The following PTPRD variants were observed in gnomAD, a reference collection of about 807,000 sequenced individuals.
PTPRD encodes the protein receptor-type tyrosine-protein phosphatase delta.
PTPRD carries 34 observed loss-of-function variants against 214.5 expected under a neutral mutation model. That is an observed-to-expected ratio of 0.16 (90% confidence interval 0.12 to 0.21). PTPRD has a LOEUF of 0.21. Among genes scored for constraint, PTPRD ranks in the 10% least tolerant of loss-of-function variants. PTPRD has a pLI of 1.00. For synonymous variants in PTPRD, 1,128 were observed against 845.7 expected, an observed-to-expected ratio of 1.33 and a Z score of -5.79; for missense variants, 2,545 against 2,398.7, an observed-to-expected ratio of 1.06 and a Z score of -1.27.
At chr9:8,402,428 C>A (rs1433031645) in intron 36 of PTPRD, among the ~76,000 whole-genome samples, 6 of 152,044 alleles carry the variant, frequency 3.9e-5, no homozygotes, top group African/African-American at 1.2e-4. Context: ...AAAATAATGA[C>A]AAAGTGAGCA....
intron 35 of PTPRD, among the ~76,000 whole-genome samples, chr9:8,410,031 AG>A (rs2093386674): frequency 6.6e-6 from 1 of 152,212 alleles, no homozygotes; most frequent in African/African-American, 2.4e-5. Flanking sequence ...TCTGAGGTTT[AG>A]AAGAGCAATC....
intron 5 of PTPRD, among the ~76,000 whole-genome samples, chr9:9,866,235 T>C (rs897982357): frequency 6.6e-6 from 1 of 152,234 alleles, no homozygotes; most frequent in African/African-American, 2.4e-5. Flanking sequence ...CTGCTATATA[T>C]GTCATAGCCT....
intron 4 of PTPRD, among the ~76,000 whole-genome samples, chr9:9,956,904 G>A (rs2093971262): frequency 6.6e-6 from 1 of 152,076 alleles, no homozygotes; most frequent in Non-Finnish European, 1.5e-5. Flanking sequence ...CATATTAGAT[G>A]AAAAGAAAAG....
At chr9:9,916,089 A>C (rs2080697999) in intron 5 of PTPRD, among the ~76,000 whole-genome samples, 1 of 150,408 alleles carries the variant, frequency 6.6e-6, no homozygotes, top group East Asian at 2.0e-4. Flanking sequence ...TTAAAAAAAA[A>C]AAAACAAAAA....
At chr9:10,320,536 A>T (rs2096535237) in intron 3 of PTPRD, among the ~76,000 whole-genome samples, 1 of 152,090 alleles carries the variant, frequency 6.6e-6, no homozygotes, top group Non-Finnish European at 1.5e-5. Flanking sequence ...TTTCATCAGT[A>T]TAAAAATTTA....
rs145567697 is a variant in PTPRD, at chr9:10,304,958, C to G, written c.-545+36005G>C. ...AAGATCCTGCATTGCCGAGACAATC[C>G]TAAGCAAAGAGAACAAAGCTGGAGG... On this transcript the variant is annotated intron_variant, in intron 3 of 45. Coordinates refer to ENST00000381196, the MANE Select transcript of PTPRD (RefSeq NM_002839.4). 6.5e-3 allele frequency among the ~76,000 whole-genome samples: 989 copies of G among 152,250 alleles called. 4 individuals carry two copies. The highest frequency in any genetic ancestry group is 0.012 in the Non-Finnish European group (786 of 68,004).
intron 10 of PTPRD, among the ~76,000 whole-genome samples, chr9:9,029,137 A>T (rs2099596636): frequency 6.6e-6 from 1 of 151,872 alleles, no homozygotes; most frequent in East Asian, 1.9e-4. Flanking sequence ...ATATTGGGTA[A>T]ATATAACAAT....
intron 14 of PTPRD, among the ~76,000 whole-genome samples, chr9:8,617,789 G>A (rs1462825456): frequency 6.6e-6 from 1 of 152,054 alleles, no homozygotes; most frequent in Non-Finnish European, 1.5e-5. Context: ...ATAAAAGGGT[G>A]AATTCAACTT....
chr9:10,259,144 T>A (rs2093513044), intron 3 of PTPRD, among the ~76,000 whole-genome samples: 1 of 152,102 alleles, frequency 6.6e-6, no homozygotes, highest in African/African-American at 2.4e-5. Context: ...TGCCTCAGCC[T>A]CCGGAGTAGC....
intron 9 of PTPRD, among the ~76,000 whole-genome samples, chr9:9,327,581 A>G (rs1281310545): frequency 6.6e-6 from 1 of 152,176 alleles, no homozygotes; most frequent in Non-Finnish European, 1.5e-5. Context: ...AGATAGTAAT[A>G]ACATCTTGTA....
intron 2 of PTPRD, among the ~76,000 whole-genome samples, chr9:10,490,472 C>A (rs1221784462): frequency 6.6e-6 from 1 of 152,098 alleles, no homozygotes; most frequent in Admixed American, 6.5e-5. Flanking sequence ...CTATTACATG[C>A]CCTACTTTTA....
At chr9:9,905,909 A>C (rs1252670302) in intron 5 of PTPRD, among the ~76,000 whole-genome samples, 1 of 151,992 alleles carries the variant, frequency 6.6e-6, no homozygotes, top group African/African-American at 2.4e-5. Flanking sequence ...ATGTGTGTGG[A>C]GAATTAACAG....
intron 10 of PTPRD, among the ~76,000 whole-genome samples, chr9:9,143,429 T>C (rs1402826991): frequency 6.6e-6 from 1 of 152,224 alleles, no homozygotes; most frequent in Non-Finnish European, 1.5e-5. Flanking sequence ...TTATATTGAA[T>C]AAATGTTTAA....
chr9:8,678,772 A>T (rs150878857), intron 12 of PTPRD, among the ~76,000 whole-genome samples: 155 of 152,318 alleles, frequency 1.0e-3, no homozygotes, highest in African/African-American at 3.6e-3. Context: ...TTGGCCACAG[A>T]TACATAAAAA....
intron 5 of PTPRD, among the ~76,000 whole-genome samples, chr9:9,933,594 T>G (rs1337149745): frequency 4.0e-5 from 6 of 151,228 alleles, no homozygotes. Flanking sequence ...CTGAGTGACC[T>G]ACAAGGAGAC....
chr9:9,087,001 G>C (rs1243145885), intron 10 of PTPRD, among the ~76,000 whole-genome samples: 41 of 152,146 alleles, frequency 2.7e-4, no homozygotes, highest in Non-Finnish European at 1.5e-5. Flanking sequence ...GATATACAGA[G>C]TGACACACAC....
chr9:8,990,352 T>G (rs1394327434), intron 11 of PTPRD, among the ~76,000 whole-genome samples: 1 of 152,166 alleles, frequency 6.6e-6, no homozygotes. Flanking sequence ...GTTCATAGGT[T>G]TACAGAATAT....
chr9:9,641,687 C>A (rs369860333), intron 7 of PTPRD, among the ~76,000 whole-genome samples: 1 of 152,076 alleles, frequency 6.6e-6, no homozygotes, highest in Non-Finnish European at 1.5e-5. Context: ...ACAAAAATAA[C>A]AAAGGAATTT....
Position 10,450,558 on chromosome 9 carries a change from T to C in PTPRD, c.-599-109541A>G, listed in dbSNP as rs528375927. ...TTTATATTTTACGAATCCTTAGGTATGCAAAAACTGAGAGAGGAGTCCAGT... is the reference window on the plus strand; with the variant it reads ...TTTATATTTTACGAATCCTTAGGTACGCAAAAACTGAGAGAGGAGTCCAGT... On this transcript the variant is annotated intron_variant, in intron 2 of 45. Coordinates refer to ENST00000381196, the MANE Select transcript of PTPRD (RefSeq NM_002839.4). Among the ~76,000 whole-genome samples the C allele has an allele frequency of 6.3e-4, 96 of 152,158 alleles. 1 individual carries two copies. Among genetic ancestry groups the C allele is most frequent in the Non-Finnish European group, 1.2e-3 (79 of 68,010 alleles).
Sources: gnomAD v4.1 joint callset for allele counts (sites outside exome capture counted in the v4.1 genomes callset) on GRCh38, gnomAD v4.1.1 for gene constraint, MANE v1.5 for transcripts, NCBI Gene and HGNC (gene_info 2026-07-23, HGNC 2026-07-21) for gene names.